The following SPATA17 variants were observed in gnomAD, a reference collection of about 807,000 sequenced individuals.
SPATA17 encodes spermatogenesis associated 17, also known as spermatogenesis-associated protein 17.
SPATA17 carries 53 observed loss-of-function variants against 62.2 expected under a neutral mutation model. That is an observed-to-expected ratio of 0.85 (90% CI 0.68 to 1.07). The LOEUF (loss-of-function observed/expected upper bound fraction) is 1.07. Ranked by LOEUF, SPATA17 falls within the 50% of genes least tolerant of loss-of-function variation. The probability of loss-of-function intolerance (pLI) is 0.00; values close to 1 mark genes in which losing one functional copy is unlikely to be tolerated. For missense variants in SPATA17, 466 were observed against 425.5 expected, an observed-to-expected ratio of 1.10 and a Z score of -0.84; for synonymous variants, 146 against 146.8, an observed-to-expected ratio of 0.99 and a Z score of 0.04.
chr1:217,724,364 G>A (rs1423543542), intron 5 of SPATA17, among the ~76,000 whole-genome samples: 1 of 152,098 alleles, frequency 6.6e-6, no homozygotes. Context: ...GAGGTGGGTG[G>A]ATCAGGTGAG....
intron 10 of SPATA17, among the ~76,000 whole-genome samples, chr1:217,864,203 T>G (rs1675955091): frequency 1.3e-5 from 2 of 152,214 alleles, no homozygotes; most frequent in Non-Finnish European, 2.9e-5. Context: ...AGCCAGAGTA[T>G]GAAGTAATGT....
At chr1:217,776,784 C>T (rs535016122) in intron 7 of SPATA17, among the ~76,000 whole-genome samples, 1 of 152,128 alleles carries the variant, frequency 6.6e-6, no homozygotes, top group South Asian at 2.1e-4. Context: ...TTGGTTCCCT[C>T]ACTCACATGG....
chr1:217,789,276 T>C (rs141705645), intron 8 of SPATA17, among the ~76,000 whole-genome samples: 3 of 152,218 alleles, frequency 2.0e-5, no homozygotes, highest in Admixed American at 1.3e-4. Flanking sequence ...AATAACTCTA[T>C]TTCTTGAGCT....
At chr1:217,679,207 T>A (rs1279452606) in intron 4 of SPATA17, among the ~76,000 whole-genome samples, 1 of 152,156 alleles carries the variant, frequency 6.6e-6, no homozygotes, top group Admixed American at 6.5e-5. Context: ...ATATACTCTT[T>A]CTCTTTATAC....
intron 5 of SPATA17, among the ~76,000 whole-genome samples, chr1:217,689,398 A>G (rs1340555746): frequency 6.6e-6 from 1 of 151,234 alleles, no homozygotes; most frequent in East Asian, 1.9e-4. Context: ...GCTAATTTTC[A>G]TATTTTTAAT....
In SPATA17 at chr1:217,640,556, T is replaced by C. The variant is rs571077033; in HGVS notation, c.69-8326T>C. On this transcript the variant is annotated intron_variant, in intron 1 of 10. Coordinates refer to ENST00000366933, the MANE Select transcript of SPATA17 (RefSeq NM_138796.4). ...TCATAAAAATGCTCTTATGTGTACA[T>C]AAGTTGTGTGTAAGAGTATTTTATA... 3.1e-4 allele frequency among the ~76,000 whole-genome samples: 47 copies of C among 152,224 alleles called. 1 individual carries two copies. Among genetic ancestry groups the C allele is most frequent in the African/African-American group, 9.6e-4 (40 of 41,564 alleles).
intron 1 of SPATA17, among the ~76,000 whole-genome samples, chr1:217,632,061 T>A (rs1471962582): frequency 6.6e-6 from 1 of 152,012 alleles, no homozygotes; most frequent in African/African-American, 2.4e-5. Context: ...CACATGCCTG[T>A]CATCCCAGCT....
intron 1 of SPATA17, among the ~76,000 whole-genome samples, chr1:217,646,101 C>G (rs1284444705): frequency 6.6e-6 from 1 of 152,044 alleles, no homozygotes; most frequent in Non-Finnish European, 1.5e-5. Context: ...TAATATTATG[C>G]ATAAAACTCT....
At chr1:217,663,332 C>G (rs1337038187) in intron 3 of SPATA17, among the ~76,000 whole-genome samples, 1 of 151,756 alleles carries the variant, frequency 6.6e-6, no homozygotes, top group African/African-American at 2.4e-5. Context: ...GTAATCCCAG[C>G]CACTCGGGAG....
chr1:217,755,780 T>G (rs1673027255), intron 6 of SPATA17, among the ~76,000 whole-genome samples: 1 of 152,132 alleles, frequency 6.6e-6, no homozygotes, highest in Non-Finnish European at 1.5e-5. Flanking sequence ...TTAGGTTCTA[T>G]GTACATAAGT....
intron 9 of SPATA17, among the ~76,000 whole-genome samples, chr1:217,840,704 C>T (rs2103006637): frequency 6.6e-6 from 1 of 151,834 alleles, no homozygotes; most frequent in East Asian, 1.9e-4. Context: ...ACAAAAAATA[C>T]AAAAATTAGC....
chr1:217,815,521 T>C (rs2102994053), intron 9 of SPATA17, among the ~76,000 whole-genome samples: 1 of 152,314 alleles, frequency 6.6e-6, no homozygotes, highest in South Asian at 2.1e-4. Flanking sequence ...GTAAAACTTC[T>C]GAGTCAAAGA....
intron 5 of SPATA17, among the ~76,000 whole-genome samples, chr1:217,725,249 G>C (rs551488038): frequency 6.6e-6 from 1 of 152,050 alleles, no homozygotes; most frequent in African/African-American, 2.4e-5. Context: ...CATATACTAA[G>C]TGCCCACATG....
intron 3 of SPATA17, among the ~76,000 whole-genome samples, chr1:217,654,093 C>G (rs1011319521): frequency 2.0e-5 from 3 of 150,930 alleles, no homozygotes; most frequent in African/African-American, 7.3e-5. Flanking sequence ...TTTCTTCTTT[C>G]TTTCCAATTT....
At chr1:217,722,605 T>C (rs1672159817) in intron 5 of SPATA17, among the ~76,000 whole-genome samples, 1 of 152,236 alleles carries the variant, frequency 6.6e-6, no homozygotes, top group Admixed American at 6.5e-5. Flanking sequence ...TTACTATGTA[T>C]ATTTGAATGA....
intron 1 of SPATA17, among the ~76,000 whole-genome samples, chr1:217,637,378 T>G (rs1241058901): frequency 6.6e-6 from 1 of 152,156 alleles, no homozygotes; most frequent in African/African-American, 2.4e-5. Flanking sequence ...ATTATTAAGT[T>G]TCTGCCGGGA....
intron 5 of SPATA17, among the ~76,000 whole-genome samples, chr1:217,730,291 C>G (rs1409776255): frequency 2.6e-5 from 4 of 151,002 alleles, no homozygotes; most frequent in Non-Finnish European, 5.9e-5. Context: ...GATCTCGGCT[C>G]ACTGCAACCT....
intron 10 of SPATA17, among the ~76,000 whole-genome samples, chr1:217,864,862 T>G (rs1459770500): frequency 2.0e-5 from 3 of 152,128 alleles, no homozygotes; most frequent in Non-Finnish European, 4.4e-5. Flanking sequence ...GCTAAATTAT[T>G]TATACAGAAA....
intron 9 of SPATA17, chr1:217,850,635 T>C: frequency 6.3e-7 from 1 of 1,587,678 alleles, no homozygotes; most frequent in African/African-American, 1.3e-5. Context: ...GATCTGCATT[T>C]TGACCTGTTA....
Sources: gnomAD v4.1 joint callset for allele counts (sites outside exome capture counted in the v4.1 genomes callset) on GRCh38, gnomAD v4.1.1 for gene constraint, MANE v1.5 for transcripts, NCBI Gene and HGNC (gene_info 2026-07-23, HGNC 2026-07-21) for gene names.